Variants in NAALADL2 observed in about 807,000 individuals in gnomAD.
NAALADL2 encodes N-acetylated alpha-linked acidic dipeptidase like 2.
In NAALADL2, 76 loss-of-function variants were observed where a neutral mutation model predicts 87.2. The observed-to-expected ratio is 0.87, with a 90% CI of 0.72 to 1.05. NAALADL2 has a LOEUF of 1.05. Ranked by LOEUF, NAALADL2 falls within the 50% of genes least tolerant of loss-of-function variation. The pLI is 0.00. For synonymous variants in NAALADL2, 354 were observed against 331.0 expected, an observed-to-expected ratio of 1.07 and a Z score of -0.75; for missense variants, 1,089 against 945.8, an observed-to-expected ratio of 1.15 and a Z score of -1.99.
At chr3:175,792,374 G>A (rs1752902865) in intron 13 of NAALADL2, among the ~76,000 whole-genome samples, 3 of 152,090 alleles carry the variant, frequency 2.0e-5, no homozygotes, top group Admixed American at 6.6e-5. Flanking sequence ...CAAGCTTTGT[G>A]ATCAACATTC....
chr3:175,810,187 T>C lies in NAALADL2; in HGVS notation c.*6984T>C, dbSNP rs995848434. The C allele has an allele frequency of 6.6e-6, 1 of 152,020 alleles. No individual in the cohort carries two copies. Among genetic ancestry groups the C allele is most frequent in the Non-Finnish European group, 1.5e-5 (1 of 67,942 alleles). The allele number at this position is 152,020 out of a possible 1,614,324, so 9.4% of individuals were successfully genotyped here. On this transcript the variant is annotated 3_prime_UTR_variant, in exon 14 of 14. Coordinates refer to ENST00000454872, the MANE Select transcript of NAALADL2 (RefSeq NM_207015.3). ...TACTATATAGGGTTGAATGTCTAAT[T>C]TCTATAATGTGTGGATGCCCATCAG...
Position 175,326,292 on chromosome 3 carries a change from G to A in NAALADL2, c.1090+1967G>A, listed in dbSNP as rs797009653. On this transcript the variant is annotated intron_variant, in intron 5 of 13. Coordinates refer to ENST00000454872, the MANE Select transcript of NAALADL2 (RefSeq NM_207015.3). ...CCTTATCAGAATGGCCTTTACTGTC[G>A]GTATTTCTGTTAACATTCTGATCAT... 1.4e-4 allele frequency among the ~76,000 whole-genome samples: 22 copies of A among 152,116 alleles called. No individual in the cohort carries two copies. The South Asian group carries it at 1.7e-3, about 11-fold the overall frequency.
In NAALADL2 at chr3:175,794,827, A is replaced by C. The variant is rs141585657; in HGVS notation, c.2190-8178A>C. Among the ~76,000 whole-genome samples, 413 of 152,368 alleles carry C rather than the reference A, an allele frequency of 2.7e-3. 6 individuals are homozygous for C. Among genetic ancestry groups the C allele is most frequent in the African/African-American group, 9.5e-3 (397 of 41,580 alleles). On this transcript the variant is annotated intron_variant, in intron 13 of 13. Transcript: ENST00000454872. ...CTGTGATGGTTTTCATAGTCAACTC[A>C]GGCTGCCTGAGACAACATACTATAG...
chr3:175,364,187 A>T (rs1339348016), intron 5 of NAALADL2, among the ~76,000 whole-genome samples: 1 of 148,016 alleles, frequency 6.8e-6, no homozygotes, highest in East Asian at 2.0e-4. Context: ...CGTGCCCACC[A>T]TCTCTCCTCT....
intron 10 of NAALADL2, among the ~76,000 whole-genome samples, chr3:175,584,329 G>A (rs764285463): frequency 3.3e-5 from 5 of 151,982 alleles, no homozygotes; most frequent in Admixed American, 6.6e-5. Flanking sequence ...GAGCTACCAC[G>A]CCCGCCCTAC....
rs185410018 is a variant in NAALADL2, at chr3:174,949,893, T to A, written c.43+90443T>A. Among the ~76,000 whole-genome samples, 544 of 152,280 alleles carry A rather than the reference T, an allele frequency of 3.6e-3. 4 individuals are homozygous for A. Among genetic ancestry groups the A allele is most frequent in the African/African-American group, 0.013 (528 of 41,562 alleles). On this transcript the variant is annotated intron_variant, in intron 1 of 13. Coordinates refer to ENST00000454872, the MANE Select transcript of NAALADL2 (RefSeq NM_207015.3). ...ATTGAGATAACTATCCATTCCCAGA[T>A]TCTCTGTGCTCCTTTTTGTGCACTG...
At chr3:174,614,035 T>C (rs1206604135) in intron 2 of NAALADL2, among the ~76,000 whole-genome samples, 1 of 152,206 alleles carries the variant, frequency 6.6e-6, no homozygotes, top group African/African-American at 2.4e-5. Flanking sequence ...CCTATCCTGC[T>C]ATAGCAGAGC....
At chr3:175,605,149 A>C (rs1048810988) in intron 10 of NAALADL2, among the ~76,000 whole-genome samples, 2 of 152,008 alleles carry the variant, frequency 1.3e-5, no homozygotes, top group African/African-American at 4.8e-5. Flanking sequence ...TCATTCATCT[A>C]CTCATGACCT....
At chr3:175,148,314 A>C (rs1731073458) in intron 2 of NAALADL2, among the ~76,000 whole-genome samples, 1 of 151,412 alleles carries the variant, frequency 6.6e-6, no homozygotes. Flanking sequence ...TTGCTGTTGA[A>C]AGTTCTTTAT....
At chr3:174,825,131 T>C (rs781381516) in intron 3 of NAALADL2, among the ~76,000 whole-genome samples, 7 of 152,196 alleles carry the variant, frequency 4.6e-5, no homozygotes, top group African/African-American at 7.2e-5. Context: ...TGTACAGATA[T>C]TTATAAAAGG....
At chr3:175,515,315 T>C (rs1163603472) in intron 9 of NAALADL2, among the ~76,000 whole-genome samples, 1 of 152,174 alleles carries the variant, frequency 6.6e-6, no homozygotes, top group African/African-American at 2.4e-5. Context: ...ACAAATAGTC[T>C]TGCTCATGAC....
intron 5 of NAALADL2, among the ~76,000 whole-genome samples, chr3:175,355,087 G>A (rs1764215749): frequency 7.0e-6 from 1 of 143,480 alleles, no homozygotes; most frequent in South Asian, 2.2e-4. Flanking sequence ...TTTTTTCTTT[G>A]AGGCAGAGTC....
At chr3:175,270,682 G>A (rs1033643554) in intron 4 of NAALADL2, among the ~76,000 whole-genome samples, 4 of 152,112 alleles carry the variant, frequency 2.6e-5, no homozygotes, top group East Asian at 1.9e-4. Flanking sequence ...CATAAGAATC[G>A]TCTTAGGGTG....
At chr3:174,561,540 C>T (rs534820542) in intron 2 of NAALADL2, among the ~76,000 whole-genome samples, 2 of 152,168 alleles carry the variant, frequency 1.3e-5, no homozygotes, top group East Asian at 1.9e-4. Context: ...GGTCACACAT[C>T]ACCTAAGGAG....
At chr3:175,596,716 G>GT (rs1323648713) in intron 10 of NAALADL2, among the ~76,000 whole-genome samples, 2 of 151,724 alleles carry the variant, frequency 1.3e-5, no homozygotes, top group South Asian at 2.1e-4. Flanking sequence ...AATATCCCTA[G>GT]TTTTTTAAAT....
chr3:174,565,830 A>G (rs1269085199), intron 2 of NAALADL2, among the ~76,000 whole-genome samples: 4 of 152,014 alleles, frequency 2.6e-5, no homozygotes, highest in Non-Finnish European at 5.9e-5. Context: ...CCTCAGCAGC[A>G]TTTGGTGATG....
rs369709939 is a variant in NAALADL2, at chr3:175,772,537, C to T, written c.2189+17119C>T. Among the ~76,000 whole-genome samples the T allele has an allele frequency of 3.3e-5, 5 of 152,152 alleles. No individual in the cohort carries two copies. The East Asian group carries it at 5.8e-4, about 18-fold the overall frequency. ...TTCATTCTAGTAGTAGAAGTTAGCA[C>T]TGATTTTCACTTTTTCCAAAATTAG... On this transcript the variant is annotated intron_variant, in intron 13 of 13. Coordinates refer to ENST00000454872, the MANE Select transcript of NAALADL2 (RefSeq NM_207015.3).
At position 174,624,409 on chromosome 3, in the gene NAALADL2, A is replaced by C. The variant is rs185410451; in HGVS notation, c.-115+73772A>C. Among the ~76,000 whole-genome samples, 767 of 152,216 alleles carry C rather than the reference A, an allele frequency of 5.0e-3. 7 individuals are homozygous for C. The highest frequency in any genetic ancestry group is 0.017 in the African/African-American group (725 of 41,528). ...GAGGCGGAGGCGGGTGGATCATTTG[A>C]GGTTAGGAGTTCAATTCCAGCCTGG... On this transcript the variant is annotated intron_variant, in intron 2 of 3. Transcript: ENST00000434257.
At chr3:175,212,473 A>G (rs1741899298) in intron 2 of NAALADL2, among the ~76,000 whole-genome samples, 1 of 152,140 alleles carries the variant, frequency 6.6e-6, no homozygotes, top group Non-Finnish European at 1.5e-5. Flanking sequence ...ATCATATGGT[A>G]AAACAGTACA....
Sources: gnomAD v4.1 joint callset for allele counts (sites outside exome capture counted in the v4.1 genomes callset) on GRCh38, gnomAD v4.1.1 for gene constraint, MANE v1.5 for transcripts, NCBI Gene and HGNC (gene_info 2026-07-23, HGNC 2026-07-21) for gene names.